The following ELP4 variants were observed in gnomAD, a reference collection of about 807,000 sequenced individuals.
The protein encoded by ELP4 is elongator acetyltransferase complex subunit 4.
A neutral mutation model predicts 48.9 loss-of-function variants in ELP4; 51 were observed. The observed-to-expected ratio is 1.04, with a 90% CI of 0.83 to 1.32. ELP4 has a LOEUF of 1.32. ELP4 is among the 40% of genes most tolerant of loss of function. The pLI is 0.00. For synonymous variants in ELP4, 210 were observed against 189.2 expected (o/e 1.11, Z -0.90); for missense variants, 519 against 514.6 (o/e 1.01, Z -0.08).
chr11:31,571,050 G>A (rs566093676), intron 3 of ELP4, among the ~76,000 whole-genome samples: 2 of 152,032 alleles, frequency 1.3e-5, no homozygotes, highest in Admixed American at 6.6e-5. Context: ...TACCTGTCTC[G>A]GCCTCCCAAA....
At chr11:31,711,681 A>G (rs1946746268) in intron 9 of ELP4, among the ~76,000 whole-genome samples, 1 of 152,138 alleles carries the variant, frequency 6.6e-6, no homozygotes, top group African/African-American at 2.4e-5. Flanking sequence ...ATTATTTTAG[A>G]CTACAATTTT....
intron 2 of ELP4, among the ~76,000 whole-genome samples, chr11:31,535,143 G>C (rs143059675): frequency 6.6e-5 from 10 of 152,234 alleles, no homozygotes; most frequent in African/African-American, 2.4e-4. Context: ...AACTAGCTAT[G>C]TGTTTTAATA....
intron 9 of ELP4, among the ~76,000 whole-genome samples, chr11:31,706,637 T>C (rs1378715201): frequency 1.3e-5 from 2 of 149,146 alleles, no homozygotes; most frequent in Non-Finnish European, 3.0e-5. Flanking sequence ...TCATATATTT[T>C]AACTTTTATC....
intron 9 of ELP4, among the ~76,000 whole-genome samples, chr11:31,750,376 A>G (rs891040001): frequency 6.6e-5 from 10 of 151,956 alleles, no homozygotes; most frequent in Non-Finnish European, 1.5e-4. Flanking sequence ...TTTCAGAACA[A>G]TGAAGCTTTC....
At chr11:31,570,155 A>G (rs868408414) in intron 3 of ELP4, among the ~76,000 whole-genome samples, 5 of 152,370 alleles carry the variant, frequency 3.3e-5, no homozygotes, top group Middle Eastern at 3.4e-3. Context: ...TGTAATACAT[A>G]TATACCATGG....
Position 31,784,306 on chromosome 11 carries a change from GA to G in ELP4, c.*788del, listed in dbSNP as rs1263078438. ...ACAGAACATAGGTCTGAGACAAAGT[GA>G]AAAAATGAAACTAACTCAGATTTCC... On this transcript the variant is annotated 3_prime_UTR_variant, in exon 10 of 10. Transcript: ENST00000640961. 3 of 152,212 alleles carry G rather than the reference GA, an allele frequency of 2.0e-5. No homozygotes were observed. The highest frequency in any genetic ancestry group is 2.1e-4 in the South Asian group (1 of 4,824). The allele number at this position is 152,212 out of a possible 1,614,324, so 9.4% of individuals were successfully genotyped here.
At chr11:31,581,784 C>T (rs569131017) in intron 3 of ELP4, among the ~76,000 whole-genome samples, 87 of 149,004 alleles carry the variant, frequency 5.8e-4, no homozygotes, top group African/African-American at 1.7e-3. Flanking sequence ...GACAGTGTCT[C>T]GCTCTGTCAC....
intron 4 of ELP4, among the ~76,000 whole-genome samples, chr11:31,595,666 C>G (rs1242651487): frequency 1.3e-5 from 2 of 152,076 alleles, no homozygotes; most frequent in African/African-American, 4.8e-5. Context: ...TTTCACTACC[C>G]CCTTCTAAAT....
intron 9 of ELP4, among the ~76,000 whole-genome samples, chr11:31,711,603 A>C (rs981501575): frequency 5.3e-5 from 8 of 152,182 alleles, no homozygotes; most frequent in Admixed American, 5.2e-4. Flanking sequence ...TTCGAATATT[A>C]TATATTTTTC....
intron 9 of ELP4, among the ~76,000 whole-genome samples, chr11:31,757,324 A>G (rs1253051292): frequency 6.6e-6 from 1 of 152,208 alleles, no homozygotes; most frequent in Non-Finnish European, 1.5e-5. Flanking sequence ...TGGAAGGGGA[A>G]AGATCCCAGT....
chr11:31,669,853 T>C (rs1945770918), intron 9 of ELP4, among the ~76,000 whole-genome samples: 2 of 152,222 alleles, frequency 1.3e-5, no homozygotes, highest in Non-Finnish European at 2.9e-5. Context: ...CTAAACTGTT[T>C]AGATTTTCCC....
At chr11:31,574,236 G>C (rs1957231554) in intron 3 of ELP4, among the ~76,000 whole-genome samples, 1 of 152,168 alleles carries the variant, frequency 6.6e-6, no homozygotes, top group African/African-American at 2.4e-5. Flanking sequence ...CGAGGCTGGG[G>C]GAGGGACGTC....
chr11:31,782,588 G>A (rs1341865004), intron 9 of ELP4, among the ~76,000 whole-genome samples: 2 of 152,182 alleles, frequency 1.3e-5, no homozygotes, highest in African/African-American at 4.8e-5. Flanking sequence ...TTTGAAATAT[G>A]GATGTTTCTC....
At chr11:31,550,416 A>G (rs531264303) in intron 3 of ELP4, among the ~76,000 whole-genome samples, 101 of 152,322 alleles carry the variant, frequency 6.6e-4, no homozygotes, top group Non-Finnish European at 8.8e-5. Context: ...GAATTAAAAC[A>G]TAAAACCATA....
chr11:31,633,598 CTT>C (rs1416729859), intron 7 of ELP4: 2 of 151,940 alleles, frequency 1.3e-5, no homozygotes, highest in South Asian at 2.1e-4. Context: ...TAAGGAAACT[CTT>C]TTCTCTAATC....
At position 31,739,264 on chromosome 11, in the gene ELP4, T is replaced by C. The variant is rs531601522; in HGVS notation, c.1144-44129T>C. ...TTCTGGAAAGTATACATGACTATAA[T>C]TAATTGAAATGCAGCTTTTACTAAG... On this transcript the variant is annotated intron_variant, in intron 9 of 9. Transcript: ENST00000640961. Among the ~76,000 whole-genome samples the C allele has an allele frequency of 1.1e-4, 16 of 152,314 alleles. No individual in the cohort carries two copies. In the East Asian group the frequency reaches 2.7e-3, roughly 26 times the overall value.
Position 31,787,455 on chromosome 11 carries a change from TTAC to T in ELP4, c.*3932_*3934del, listed in dbSNP as rs1346539348. 1 of 233,118 alleles carries T rather than the reference TTAC, an allele frequency of 4.3e-6. No homozygotes were observed. Among genetic ancestry groups the T allele is most frequent in the Admixed American group, 5.6e-5 (1 of 17,776 alleles). 14.4% of individuals were successfully genotyped at this position (233,118 alleles called of 1,614,324 possible). A position where few individuals can be genotyped will look rare whatever the true frequency, so the allele number is the denominator to read the frequency against. On this transcript the variant is annotated 3_prime_UTR_variant, in exon 10 of 10. Transcript: ENST00000640961. ...ACTGGCTGCCTGACCGTGGTGGAAA[TTAC>T]AGCCAGCGAGAAGGAAGAAGTAAGC...
At chr11:31,668,721 T>TGTGTGTGTGTGA (rs1565103640) in intron 9 of ELP4, among the ~76,000 whole-genome samples, 1 of 92,592 alleles carries the variant, frequency 1.1e-5, no homozygotes, top group Non-Finnish European at 2.1e-5. Context: ...TGTGTGTGTG[T>TGTGTGTGTGTGA]AAGAACCCTG....
intron 9 of ELP4, among the ~76,000 whole-genome samples, chr11:31,778,213 G>T (rs554000991): frequency 1.3e-5 from 2 of 152,136 alleles, no homozygotes; most frequent in South Asian, 4.2e-4. Context: ...TGTATACACT[G>T]GCCCAGAAGC....
Sources: allele counts gnomAD v4.1 joint callset (sites outside exome capture counted in the v4.1 genomes callset), GRCh38; gene constraint gnomAD v4.1.1; transcripts MANE v1.5; gene names NCBI Gene and HGNC (gene_info 2026-07-23, HGNC 2026-07-21).